BEND6: variants seen among roughly 807,000 people sequenced by gnomAD.
BEND6 encodes the protein BEN domain-containing protein 6.
A neutral mutation model predicts 31.8 loss-of-function variants in BEND6; 24 were observed. The observed-to-expected ratio is 0.75, with a 90% CI of 0.55 to 1.06. The LOEUF (loss-of-function observed/expected upper bound fraction) is 1.06. Among genes scored for constraint, BEND6 ranks in the 50% least tolerant of loss-of-function variants. The pLI, the probability that BEND6 is intolerant of heterozygous loss-of-function variation, is 0.00. For missense variants in BEND6, 294 were observed against 327.4 expected, an observed-to-expected ratio of 0.90 and a Z score of 0.79; for synonymous variants, 109 against 114.6, an observed-to-expected ratio of 0.95 and a Z score of 0.31.
intron 3 of BEND6, among the ~76,000 whole-genome samples, chr6:57,012,169 G>A (rs1827370030): frequency 6.6e-6 from 1 of 151,950 alleles, no homozygotes; most frequent in Admixed American, 6.6e-5. Context: ...TGAATATATT[G>A]GATATTAGGG....
intron 3 of BEND6, chr6:57,004,759 C>T: frequency 9.1e-7 from 1 of 1,093,564 alleles, no homozygotes; most frequent in Non-Finnish European, 1.4e-6. Flanking sequence ...TGAGACACAT[C>T]ACCTGAATGA....
intron 2 of BEND6, among the ~76,000 whole-genome samples, chr6:56,991,338 T>A (rs1456176194): frequency 6.6e-6 from 1 of 152,006 alleles, no homozygotes; most frequent in Non-Finnish European, 1.5e-5. Context: ...GTCAAGAGAA[T>A]CTATACAAAT....
chr6:57,002,678 A>G (rs981285744), intron 3 of BEND6, among the ~76,000 whole-genome samples: 1 of 152,164 alleles, frequency 6.6e-6, no homozygotes, highest in African/African-American at 2.4e-5. Context: ...ATATAGAAAT[A>G]TAACATACCA....
At chr6:56,989,170 ATATT>A (rs1826400233) in intron 2 of BEND6, among the ~76,000 whole-genome samples, 1 of 151,280 alleles carries the variant, frequency 6.6e-6, no homozygotes, top group Non-Finnish European at 1.5e-5. Flanking sequence ...TATATAATCT[ATATT>A]TATCTAGATA....
chr6:56,979,830 C>T (rs1826009790), intron 1 of BEND6, among the ~76,000 whole-genome samples: 1 of 152,190 alleles, frequency 6.6e-6, no homozygotes, highest in African/African-American at 2.4e-5. Context: ...CAACCCTGTT[C>T]TCACAAATAG....
chr6:56,974,818 A>G (rs1337762797), intron 1 of BEND6, among the ~76,000 whole-genome samples: 2 of 152,078 alleles, frequency 1.3e-5, no homozygotes, highest in South Asian at 2.1e-4. Context: ...ACCATCACAT[A>G]CTCTATTTAA....
At position 57,016,728 on chromosome 6, in the gene BEND6, GT is replaced by G. The variant is rs1450867525; in HGVS notation, c.520-478del. On this transcript the variant is annotated intron_variant, in intron 4 of 6. Coordinates refer to ENST00000370746, the MANE Select transcript of BEND6 (RefSeq NM_152731.3). ...CCTTCTTCTGCTTTTAAGAACTCAT[GT>G]GATTAAATTGGGCCCACCTAGGTAA... Among the ~76,000 whole-genome samples, 4 of 152,178 alleles carry G rather than the reference GT, an allele frequency of 2.6e-5. No homozygotes were observed. In the South Asian group the frequency reaches 8.3e-4, roughly 32 times the overall value.
At chr6:56,974,670 C>T (rs1825810726) in intron 1 of BEND6, among the ~76,000 whole-genome samples, 2 of 152,156 alleles carry the variant, frequency 1.3e-5, no homozygotes, top group Non-Finnish European at 2.9e-5. Context: ...TAATTGACAG[C>T]ATTTTGAGTG....
At chr6:57,016,529 T>C (rs1293710001) in intron 4 of BEND6, among the ~76,000 whole-genome samples, 1 of 152,170 alleles carries the variant, frequency 6.6e-6, no homozygotes, top group Admixed American at 6.5e-5. Context: ...GAATTCCCCA[T>C]TTTCTTGCTG....
intron 2 of BEND6, among the ~76,000 whole-genome samples, chr6:56,990,358 CA>C (rs1175107690): frequency 6.0e-5 from 9 of 150,970 alleles, no homozygotes; most frequent in African/African-American, 2.2e-4. Flanking sequence ...GCAATCCTCC[CA>C]TCTCAGCCCC....
chr6:56,960,800 A>G (rs1043850610), intron 1 of BEND6, among the ~76,000 whole-genome samples: 17 of 152,246 alleles, frequency 1.1e-4, no homozygotes, highest in Non-Finnish European at 1.9e-4. Flanking sequence ...TGATACCTCA[A>G]TGTAAGGACA....
chr6:56,992,576 C>T (rs1826547107), intron 3 of BEND6, 21 bp downstream of exon 3: 1 of 1,594,264 alleles, frequency 6.3e-7, no homozygotes, highest in Non-Finnish European at 8.5e-7. Context: ...AGAAAATTGA[C>T]ATTTTAGATA....
At chr6:57,018,164 A>G (rs1593028815) in intron 5 of BEND6, among the ~76,000 whole-genome samples, 1 of 152,360 alleles carries the variant, frequency 6.6e-6, no homozygotes, top group Middle Eastern at 3.4e-3. Context: ...CTTAGAGTTT[A>G]AAGCAAGTAG....
Position 56,981,915 on chromosome 6 carries a change from C to G in BEND6, c.105C>G (p.Asp35Glu), listed in dbSNP as rs1282528141. ...TGGACTCAGAAAATGCAAATAGTGA[C>G]ATGGATAAAGGACAGGTTGGTTTTT... ...ETMDSENANS[D>E]MDKGQRDPYS... The change falls in exon 2 of 7, where the codon GAC becomes GAG. Residue 35 changes from aspartate (D) to glutamate (E), a missense_variant. Asp to Glu is a conservative substitution (Grantham distance 45, BLOSUM62 2). Transcript: ENST00000370746. 6.2e-7 allele frequency: 1 copy of G among 1,611,196 alleles called. No homozygotes were observed. Among genetic ancestry groups the G allele is most frequent in the Non-Finnish European group, 8.5e-7 (1 of 1,178,870 alleles).
intron 1 of BEND6, among the ~76,000 whole-genome samples, chr6:56,973,709 A>G (rs1404877407): frequency 1.3e-5 from 2 of 152,162 alleles, no homozygotes; most frequent in African/African-American, 4.8e-5. Flanking sequence ...GTGGTATGGC[A>G]CAAGCTCTCA....
chr6:57,002,494 A>T (rs1008375243), intron 3 of BEND6, among the ~76,000 whole-genome samples: 3 of 152,240 alleles, frequency 2.0e-5, no homozygotes, highest in Non-Finnish European at 4.4e-5. Context: ...ATTCAAAAAA[A>T]TTGAAATTAT....
At chr6:57,000,178 A>G (rs1826877461) in intron 3 of BEND6, among the ~76,000 whole-genome samples, 1 of 152,100 alleles carries the variant, frequency 6.6e-6, no homozygotes, top group African/African-American at 2.4e-5. Context: ...ACAAAGAGAG[A>G]TCAGATTGTT....
chr6:56,993,938 C>T (rs920554102), intron 3 of BEND6, among the ~76,000 whole-genome samples: 2 of 152,158 alleles, frequency 1.3e-5, no homozygotes, highest in African/African-American at 4.8e-5. Flanking sequence ...GGCCTCAAGC[C>T]ATCCTCCTGC....
chr6:56,965,254 T>C (rs1825431318), intron 1 of BEND6, among the ~76,000 whole-genome samples: 1 of 152,232 alleles, frequency 6.6e-6, no homozygotes, highest in African/African-American at 2.4e-5. Flanking sequence ...AGAGAAATGA[T>C]TGGTAACAGG....
Sources: gnomAD v4.1 joint callset for allele counts (sites outside exome capture counted in the v4.1 genomes callset) on GRCh38, gnomAD v4.1.1 for gene constraint, MANE v1.5 for transcripts, NCBI Gene and HGNC (gene_info 2026-07-23, HGNC 2026-07-21) for gene names.